Variants in PPP2R5C observed in about 807,000 individuals in gnomAD.
The protein encoded by PPP2R5C is protein phosphatase 2 regulatory subunit B'gamma.
In PPP2R5C, 7 loss-of-function variants were observed where a neutral mutation model predicts 68.9. That is an observed-to-expected ratio of 0.10 (90% CI 0.06 to 0.19). The LOEUF is 0.19. Ranked by LOEUF, PPP2R5C falls within the 10% of genes least tolerant of loss-of-function variation. The probability of loss-of-function intolerance (pLI) is 1.00; values close to 1 mark genes in which losing one functional copy is unlikely to be tolerated. For missense variants in PPP2R5C, 348 were observed against 641.3 expected (o/e 0.54, Z 4.94); for synonymous variants, 210 against 222.2 (o/e 0.95, Z 0.49).
intron 2 of PPP2R5C, among the ~76,000 whole-genome samples, chr14:101,784,641 G>GT (rs1248294264): frequency 6.6e-6 from 1 of 152,144 alleles, no homozygotes; most frequent in African/African-American, 2.4e-5. Context: ...CCCTTGACTC[G>GT]TGGGGATTAC....
At chr14:101,895,425 C>G (rs1271770314) in intron 8 of PPP2R5C, among the ~76,000 whole-genome samples, 1 of 152,180 alleles carries the variant, frequency 6.6e-6, no homozygotes, top group Non-Finnish European at 1.5e-5. Flanking sequence ...ATTTCCAAAG[C>G]TTTGTCATCA....
chr14:101,829,560 C>T (rs1161455249), intron 1 of PPP2R5C, among the ~76,000 whole-genome samples: 1 of 152,306 alleles, frequency 6.6e-6, no homozygotes, highest in East Asian at 1.9e-4. Flanking sequence ...AAACACTGAT[C>T]GTGCTTTACT....
At chr14:101,795,164 CGTT>C (rs1227256520) in intron 3 of PPP2R5C, among the ~76,000 whole-genome samples, 6 of 152,220 alleles carry the variant, frequency 3.9e-5, no homozygotes, top group South Asian at 2.1e-4. Context: ...CTTTTGTTAT[CGTT>C]GTTGTTCACA....
intron 1 of PPP2R5C, chr14:101,818,968 T>A (rs372728220): frequency 6.7e-7 from 1 of 1,501,062 alleles, no homozygotes; most frequent in Admixed American, 2.0e-5. Flanking sequence ...TTATAACTTA[T>A]GAAAAAGTTA....
At chr14:101,823,696 C>G in intron 1 of PPP2R5C, 1 of 947,760 alleles carries the variant, frequency 1.1e-6, no homozygotes, top group Admixed American at 5.3e-5. Flanking sequence ...CAAGAAGGAG[C>G]TGGTGACAGA....
intron 2 of PPP2R5C, among the ~76,000 whole-genome samples, chr14:101,763,387 A>AAT (rs2036662363): frequency 7.7e-6 from 1 of 130,502 alleles, no homozygotes; most frequent in African/African-American, 2.9e-5. Context: ...CACCCAACAA[A>AAT]TTTTTTTTTT....
chr14:101,885,061 T>C (rs1365504404), intron 5 of PPP2R5C, among the ~76,000 whole-genome samples: 1 of 152,106 alleles, frequency 6.6e-6, no homozygotes, highest in Non-Finnish European at 1.5e-5. Flanking sequence ...CACATCCTGG[T>C]GATGGTGGGG....
intron 8 of PPP2R5C, among the ~76,000 whole-genome samples, chr14:101,895,175 C>T (rs1005293051): frequency 6.6e-6 from 1 of 152,114 alleles, no homozygotes; most frequent in African/African-American, 2.4e-5. Context: ...CCAGACATGT[C>T]AGGTGCCAGT....
At chr14:101,844,274 G>T (rs1192294401) in intron 1 of PPP2R5C, among the ~76,000 whole-genome samples, 1 of 151,998 alleles carries the variant, frequency 6.6e-6, no homozygotes, top group Non-Finnish European at 1.5e-5. Flanking sequence ...GTTCGAGGAG[G>T]CTGGCAGCTT....
At chr14:101,924,376 A>T (rs1381871680) in intron 13 of PPP2R5C, among the ~76,000 whole-genome samples, 2 of 150,418 alleles carry the variant, frequency 1.3e-5, no homozygotes. Flanking sequence ...ATTTGATAGA[A>T]GTTTGAAATC....
chr14:101,785,964 C>A, intron 2 of PPP2R5C, 54 bp from the exon 3 acceptor site: 1 of 1,433,612 alleles, frequency 7.0e-7, no homozygotes, highest in Non-Finnish European at 9.3e-7. Flanking sequence ...TTTAATAGTG[C>A]TACAAAATAC....
intron 3 of PPP2R5C, among the ~76,000 whole-genome samples, chr14:101,799,365 C>T (rs2038759089): frequency 6.6e-6 from 1 of 152,196 alleles, no homozygotes; most frequent in African/African-American, 2.4e-5. Context: ...CACCTCAACT[C>T]AGCATGGGGA....
At chr14:101,867,273 C>T (rs553956471) in intron 2 of PPP2R5C, among the ~76,000 whole-genome samples, 18 of 151,190 alleles carry the variant, frequency 1.2e-4, no homozygotes, top group South Asian at 6.3e-4. Flanking sequence ...TGGTGGCGCA[C>T]GCCTGCACCT....
At chr14:101,807,533 C>G (rs2039124355), upstream of PPP2R5C, among the ~76,000 whole-genome samples, 1 of 152,134 alleles carries the variant, frequency 6.6e-6, no homozygotes, top group Non-Finnish European at 1.5e-5. Flanking sequence ...TACTTTAAAC[C>G]TGTAGATCAG....
intron 13 of PPP2R5C, among the ~76,000 whole-genome samples, chr14:101,924,167 C>A (rs1420539170): frequency 6.6e-6 from 1 of 152,134 alleles, no homozygotes; most frequent in Non-Finnish European, 1.5e-5. Flanking sequence ...TACTTTTAAA[C>A]TGAATTATGT....
intron 1 of PPP2R5C, among the ~76,000 whole-genome samples, chr14:101,850,785 G>T (rs893145382): frequency 1.3e-5 from 2 of 152,160 alleles, no homozygotes; most frequent in African/African-American, 4.8e-5. Context: ...TCAAAAAGTG[G>T]CATGTGAATA....
At chr14:101,810,682 C>G (rs1421691429) in intron 1 of PPP2R5C, among the ~76,000 whole-genome samples, 1 of 152,106 alleles carries the variant, frequency 6.6e-6, no homozygotes, top group Non-Finnish European at 1.5e-5. Flanking sequence ...CTCTGTGTTG[C>G]CAGTTGGCTT....
intron 10 of PPP2R5C, among the ~76,000 whole-genome samples, chr14:101,908,874 A>G (rs995700556): frequency 1.3e-5 from 2 of 152,230 alleles, no homozygotes; most frequent in Non-Finnish European, 2.9e-5. Context: ...AAGTGGATTA[A>G]GAAGGAATTA....
At chr14:101,831,932 C>T (rs2040770412) in intron 1 of PPP2R5C, 1 of 546,428 alleles carries the variant, frequency 1.8e-6, no homozygotes, top group African/African-American at 1.9e-5. Flanking sequence ...TATGATACAG[C>T]TTTGAAGGCA....
Sources: allele counts gnomAD v4.1 joint callset (sites outside exome capture counted in the v4.1 genomes callset), GRCh38; gene constraint gnomAD v4.1.1; transcripts MANE v1.5; gene names NCBI Gene and HGNC (gene_info 2026-07-23, HGNC 2026-07-21).